PHKB: variants seen among roughly 807,000 people sequenced by gnomAD.
PHKB encodes the protein phosphorylase b kinase regulatory subunit beta.
Under a neutral mutation model 152.1 loss-of-function variants are expected in PHKB, and 122 were observed. The ratio of observed to expected loss-of-function variants is 0.80; its 90% CI spans 0.69 to 0.93. PHKB has a LOEUF of 0.93. Ranked by LOEUF, PHKB falls within the 40% of genes least tolerant of loss-of-function variation. PHKB has a pLI of 0.00. For synonymous variants in PHKB, 436 were observed against 464.9 expected (o/e 0.94, Z 0.80); for missense variants, 1,304 against 1,328.4 (o/e 0.98, Z 0.29).
chr16:47,607,532 G>A (rs1489556055), intron 13 of PHKB, among the ~76,000 whole-genome samples: 1 of 152,108 alleles, frequency 6.6e-6, no homozygotes, highest in East Asian at 1.9e-4. Flanking sequence ...TTTTATGGCA[G>A]AACAATATTC....
chr16:47,692,287 T>A (rs2142105569), intron 27 of PHKB, among the ~76,000 whole-genome samples: 1 of 152,328 alleles, frequency 6.6e-6, no homozygotes, highest in African/African-American at 2.4e-5. Context: ...AGTATACATT[T>A]CACTCTGCTG....
At chr16:47,621,495 T>C (rs999968111) in intron 14 of PHKB, among the ~76,000 whole-genome samples, 1 of 152,212 alleles carries the variant, frequency 6.6e-6, no homozygotes, top group South Asian at 2.1e-4. Context: ...TTTAAGGAAA[T>C]CATGCATGTG....
chr16:47,660,221 A>G (rs1439709158), intron 20 of PHKB, among the ~76,000 whole-genome samples: 1 of 152,192 alleles, frequency 6.6e-6, no homozygotes, highest in Non-Finnish European at 1.5e-5. Flanking sequence ...TCCAGATTAA[A>G]AGTAAATGCC....
At chr16:47,687,853 G>A (rs1973991748) in intron 26 of PHKB, among the ~76,000 whole-genome samples, 1 of 152,182 alleles carries the variant, frequency 6.6e-6, no homozygotes, top group Admixed American at 6.5e-5. Flanking sequence ...TTACCCTGTG[G>A]CTTATGGCCT....
chr16:47,681,758 T>G (rs1973861815), intron 26 of PHKB, among the ~76,000 whole-genome samples: 1 of 152,198 alleles, frequency 6.6e-6, no homozygotes, highest in African/African-American at 2.4e-5. Context: ...TTGGAGCATT[T>G]AGCCCATTTA....
chr16:47,563,670 G>T (rs1971514178), intron 7 of PHKB, among the ~76,000 whole-genome samples: 2 of 151,868 alleles, frequency 1.3e-5, no homozygotes, highest in South Asian at 2.1e-4. Flanking sequence ...TTTTAAAATT[G>T]TATTTCTATT....
At chr16:47,565,510 T>G in intron 7 of PHKB, 1 of 1,314,954 alleles carries the variant, frequency 7.6e-7, no homozygotes, top group East Asian at 2.3e-5. Flanking sequence ...CTTTAGGGGC[T>G]GATCAGGTTT....
At chr16:47,497,726 GT>G (rs1970256974) in intron 2 of PHKB, among the ~76,000 whole-genome samples, 1 of 152,040 alleles carries the variant, frequency 6.6e-6, no homozygotes, top group Non-Finnish European at 1.5e-5. Context: ...TATCTTCTGT[GT>G]TTTTTTAATC....
At chr16:47,620,487 G>A (rs1972597524) in intron 14 of PHKB, among the ~76,000 whole-genome samples, 1 of 152,196 alleles carries the variant, frequency 6.6e-6, no homozygotes, top group African/African-American at 2.4e-5. Context: ...CATGGTTCAT[G>A]GTGGAAATTA....
chr16:47,506,949 G>A (rs904503909), intron 4 of PHKB, among the ~76,000 whole-genome samples: 1 of 152,218 alleles, frequency 6.6e-6, no homozygotes, highest in Admixed American at 6.5e-5. Context: ...CTTGTGGCAC[G>A]GTTAGCCAGT....
chr16:47,512,139 C>G (rs2151649803), intron 5 of PHKB, among the ~76,000 whole-genome samples: 1 of 152,236 alleles, frequency 6.6e-6, no homozygotes, highest in Middle Eastern at 3.4e-3. Context: ...CAGTCTGTGG[C>G]CCAGGGGTGG....
chr16:47,533,359 A>G (rs1348991327), intron 6 of PHKB, among the ~76,000 whole-genome samples: 1 of 152,122 alleles, frequency 6.6e-6, no homozygotes, highest in African/African-American at 2.4e-5. Flanking sequence ...GCCAGCCTTC[A>G]GGCCCTCCCT....
intron 20 of PHKB, among the ~76,000 whole-genome samples, chr16:47,652,338 AATAGTTTTTCAATCCTT>A (rs1313113248): frequency 1.3e-5 from 2 of 150,346 alleles, no homozygotes; most frequent in Non-Finnish European, 2.9e-5. Context: ...CACAGTTCCC[AATAGTTTTTCAATCCTT>A]GCCCTCCTTC....
intron 1 of PHKB, among the ~76,000 whole-genome samples, chr16:47,469,195 A>G (rs1969721369): frequency 6.6e-6 from 1 of 152,244 alleles, no homozygotes; most frequent in Non-Finnish European, 1.5e-5. Flanking sequence ...AGTAAATCAT[A>G]TAATATCTAT....
intron 4 of PHKB, 58 bp from the exon 5 acceptor site, chr16:47,511,607 A>G: frequency 2.5e-6 from 3 of 1,187,806 alleles, no homozygotes; most frequent in Non-Finnish European, 3.8e-6. Flanking sequence ...CTTTTAATCT[A>G]TAGTCTTGGA....
At chr16:47,657,194 A>G (rs1166407515) in intron 20 of PHKB, among the ~76,000 whole-genome samples, 1 of 152,062 alleles carries the variant, frequency 6.6e-6, no homozygotes, top group Non-Finnish European at 1.5e-5. Context: ...TTTCAGCTCA[A>G]GGTTCACTCA....
chr16:47,687,483 G>A (rs1448755187), intron 26 of PHKB, among the ~76,000 whole-genome samples: 2 of 152,150 alleles, frequency 1.3e-5, no homozygotes, highest in Non-Finnish European at 2.9e-5. Context: ...CTTTTTGACT[G>A]ACAGGAGAAA....
rs987784730 is a variant in PHKB, at chr16:47,532,761, C to T, written c.595-14672C>T. 3.9e-5 allele frequency among the ~76,000 whole-genome samples: 6 copies of T among 152,352 alleles called. No homozygotes were observed. The South Asian group carries it at 1.0e-3, about 26-fold the overall frequency. ...TCAGCCCTGGCTCAGGGAGCTCCCACGTCTGGGCTCCCCAAAGGGCCACAA... is the reference window on the plus strand; with the variant it reads ...TCAGCCCTGGCTCAGGGAGCTCCCATGTCTGGGCTCCCCAAAGGGCCACAA... On this transcript the variant is annotated intron_variant, in intron 6 of 30. Coordinates refer to ENST00000323584, the MANE Select transcript of PHKB (RefSeq NM_000293.3).
chr16:47,597,708 C>CT (rs929578637), intron 13 of PHKB: 2 of 121,974 alleles, frequency 1.6e-5, no homozygotes, highest in African/African-American at 6.4e-5. Flanking sequence ...AGTGATTCCG[C>CT]TTTTAATTTA....
Sources: gnomAD v4.1 joint callset for allele counts (sites outside exome capture counted in the v4.1 genomes callset) on GRCh38, gnomAD v4.1.1 for gene constraint, MANE v1.5 for transcripts, NCBI Gene and HGNC (gene_info 2026-07-23, HGNC 2026-07-21) for gene names.